The following CHN2 variants were observed in gnomAD, a reference collection of about 807,000 sequenced individuals.
CHN2 encodes the protein chimerin 2.
A neutral mutation model predicts 56.3 loss-of-function variants in CHN2; 35 were observed. That is an observed-to-expected ratio of 0.62 (90% confidence interval 0.47 to 0.82). CHN2 has a LOEUF of 0.82. CHN2 is among the 40% of genes least tolerant of loss of function. CHN2 has a pLI of 0.00. For synonymous variants in CHN2, 210 were observed against 212.8 expected (o/e 0.99, Z 0.12); for missense variants, 491 against 580.5 (o/e 0.85, Z 1.58).
At chr7:29,326,635 T>C (rs1322253116) in intron 1 of CHN2, among the ~76,000 whole-genome samples, 1 of 152,190 alleles carries the variant, frequency 6.6e-6, no homozygotes, top group East Asian at 1.9e-4. Context: ...CTTTGTCTTA[T>C]TTGGTTTGTT....
chr7:29,509,050 A>G (rs2128595018), intron 11 of CHN2, among the ~76,000 whole-genome samples: 1 of 152,344 alleles, frequency 6.6e-6, no homozygotes, highest in South Asian at 2.1e-4. Flanking sequence ...TTACAGATTC[A>G]TGGAGGGCAA....
Position 29,179,316 on chromosome 7 carries a change from C to G in CHN2, c.274+32356C>G, listed in dbSNP as rs548155767. ...ACGCCAAGTCATGAGGAAGAGTGCT[C>G]CCTTCACTCTTTGCTAGATCAGTTC... On this transcript the variant is annotated intron_variant, in intron 2 of 6. Transcript: ENST00000439384. Among the ~76,000 whole-genome samples, 36 of 152,336 alleles carry G rather than the reference C, an allele frequency of 2.4e-4. No homozygotes were observed. In the East Asian group the frequency reaches 5.6e-3, roughly 24 times the overall value.
intron 1 of CHN2, among the ~76,000 whole-genome samples, chr7:29,318,174 A>G (rs1795090983): frequency 6.6e-6 from 1 of 152,156 alleles, no homozygotes; most frequent in Non-Finnish European, 1.5e-5. Flanking sequence ...GGAATTTTTC[A>G]GGTGGAAATG....
chr7:29,235,349 A>G (rs1787108295), intron 1 of CHN2, among the ~76,000 whole-genome samples: 1 of 152,216 alleles, frequency 6.6e-6, no homozygotes, highest in South Asian at 2.1e-4. Context: ...ATCTCACACC[A>G]GTCAGAATGG....
At chr7:29,476,871 C>A (rs1174261184) in intron 6 of CHN2, among the ~76,000 whole-genome samples, 1 of 151,986 alleles carries the variant, frequency 6.6e-6, no homozygotes, top group Non-Finnish European at 1.5e-5. Context: ...AGTGAGAATC[C>A]CTGGTTCAAA....
chr7:29,194,842 T>A lies in CHN2; in HGVS notation c.-100T>A. ...TCTGCGCGTCCCCAGGACTTTGCCA[T>A]GGGCTGGGGGCCGCGGAGGCTGCGA... On this transcript the variant is annotated 5_prime_UTR_variant, in exon 1 of 13. The change abolishes an upstream ATG in the 5' untranslated region. Coordinates refer to ENST00000222792, the MANE Select transcript of CHN2 (RefSeq NM_004067.4). 1 of 1,153,116 alleles carries A rather than the reference T, an allele frequency of 8.7e-7. No individual in the cohort carries two copies. Among genetic ancestry groups the A allele is most frequent in the Non-Finnish European group, 1.1e-6 (1 of 887,614 alleles). 71.4% of individuals were successfully genotyped at this position (1,153,116 alleles called of 1,614,324 possible).
chr7:29,299,721 C>A (rs1793493418), intron 1 of CHN2, among the ~76,000 whole-genome samples: 1 of 152,090 alleles, frequency 6.6e-6, no homozygotes, highest in Non-Finnish European at 1.5e-5. Flanking sequence ...CTTGTTGTCC[C>A]ATAATTCCTG....
intron 2 of CHN2, among the ~76,000 whole-genome samples, chr7:29,173,522 G>T (rs1405175580): frequency 1.3e-5 from 2 of 152,052 alleles, no homozygotes; most frequent in African/African-American, 4.8e-5. Flanking sequence ...AAACTCATCA[G>T]AGACTTGAGG....
intron 1 of CHN2, among the ~76,000 whole-genome samples, chr7:29,281,215 G>A (rs1791685939): frequency 6.6e-6 from 1 of 152,114 alleles, no homozygotes; most frequent in African/African-American, 2.4e-5. Context: ...CCTTAAAAGG[G>A]TATTTTTTGC....
chr7:29,271,301 T>G (rs1257392133), intron 1 of CHN2, among the ~76,000 whole-genome samples: 6 of 152,226 alleles, frequency 3.9e-5, no homozygotes, highest in Non-Finnish European at 8.8e-5. Context: ...AACCCTCTGG[T>G]TGTTTGCTCC....
At chr7:29,431,047 G>T (rs937773406) in intron 6 of CHN2, among the ~76,000 whole-genome samples, 1 of 152,098 alleles carries the variant, frequency 6.6e-6, no homozygotes, top group Admixed American at 6.5e-5. Flanking sequence ...GAGTAACTGG[G>T]GGGCAGAGAA....
At chr7:29,407,946 G>T (rs1208374516) in intron 6 of CHN2, among the ~76,000 whole-genome samples, 1 of 152,066 alleles carries the variant, frequency 6.6e-6, no homozygotes, top group Non-Finnish European at 1.5e-5. Flanking sequence ...CCAGCACTTT[G>T]GGTGGCAGAG....
intron 1 of CHN2, among the ~76,000 whole-genome samples, chr7:29,348,369 G>A (rs772861553): frequency 3.9e-5 from 6 of 152,008 alleles, no homozygotes; most frequent in African/African-American, 9.7e-5. Flanking sequence ...CCTTTAACCC[G>A]CTTTTCTTTC....
At chr7:29,393,879 AGTC>A (rs1237576454) in intron 4 of CHN2, among the ~76,000 whole-genome samples, 169 bp downstream of exon 4, 2 of 152,184 alleles carry the variant, frequency 1.3e-5, no homozygotes, top group Admixed American at 6.5e-5. Flanking sequence ...TTTTTATAGT[AGTC>A]AAGTGCTTGG....
intron 9 of CHN2, among the ~76,000 whole-genome samples, chr7:29,501,003 T>C (rs1789907345): frequency 6.6e-6 from 1 of 152,242 alleles, no homozygotes; most frequent in Admixed American, 6.5e-5. Flanking sequence ...AGAGCCTTTC[T>C]ATAAGGCTTA....
chr7:29,160,389 A>C (rs1489454549), intron 2 of CHN2, among the ~76,000 whole-genome samples: 1 of 152,136 alleles, frequency 6.6e-6, no homozygotes, highest in Non-Finnish European at 1.5e-5. Context: ...TATCCATGTC[A>C]TTCCCCTTCC....
chr7:29,505,854 G>T (rs1398406232), intron 10 of CHN2, among the ~76,000 whole-genome samples: 1 of 152,108 alleles, frequency 6.6e-6, no homozygotes, highest in Non-Finnish European at 1.5e-5. Context: ...GGTTCATCAG[G>T]GCTTAATGGT....
chr7:29,445,037 C>A, intron 6 of CHN2: 1 of 437,694 alleles, frequency 2.3e-6, no homozygotes, highest in Admixed American at 2.4e-5. Flanking sequence ...GAGACAGAGG[C>A]TACGCAAAAT....
intron 3 of CHN2, among the ~76,000 whole-genome samples, chr7:29,387,363 A>G (rs1800996851): frequency 6.6e-6 from 1 of 152,248 alleles, no homozygotes; most frequent in Non-Finnish European, 1.5e-5. Context: ...AACTGGATTG[A>G]TGAGCAAGGG....
Sources: gnomAD v4.1 joint callset for allele counts (sites outside exome capture counted in the v4.1 genomes callset) on GRCh38, gnomAD v4.1.1 for gene constraint, MANE v1.5 for transcripts, NCBI Gene and HGNC (gene_info 2026-07-23, HGNC 2026-07-21) for gene names.